The following DOCK7 variants were observed in gnomAD, a reference collection of about 807,000 sequenced individuals.
The protein encoded by DOCK7 is dedicator of cytokinesis protein 7.
In DOCK7, 138 loss-of-function variants were observed where a neutral mutation model predicts 271.0. The ratio of observed to expected loss-of-function variants is 0.51; its 90% CI spans 0.44 to 0.59. The LOEUF (loss-of-function observed/expected upper bound fraction) is 0.59, where lower values mean the gene tolerates loss of function less well. DOCK7 is among the 20% of genes least tolerant of loss of function. The pLI is 0.00. For synonymous variants in DOCK7, 823 were observed against 876.1 expected (o/e 0.94, Z 1.07); for missense variants, 2,066 against 2,592.4 (o/e 0.80, Z 4.41).
chr1:62,671,509 G>C (rs1186031770), intron 1 of DOCK7, among the ~76,000 whole-genome samples: 1 of 152,150 alleles, frequency 6.6e-6, no homozygotes, highest in Admixed American at 6.5e-5. Flanking sequence ...TAAGAATTTA[G>C]AGAGAGGAAA....
At chr1:62,538,666 CATAGT>C (rs1645427794) in intron 27 of DOCK7, among the ~76,000 whole-genome samples, 3 of 152,154 alleles carry the variant, frequency 2.0e-5, no homozygotes, top group Non-Finnish European at 2.9e-5. Context: ...AGTGCCCATG[CATAGT>C]TTTAACTTTT....
chr1:62,478,194 T>C (rs1186783084), intron 43 of DOCK7: 1 of 168,564 alleles, frequency 5.9e-6, no homozygotes, highest in African/African-American at 2.4e-5. Flanking sequence ...TTAATTGTAC[T>C]GATACTAGAG....
chr1:62,572,424 T>G (rs1352111139), intron 18 of DOCK7, among the ~76,000 whole-genome samples: 1 of 152,206 alleles, frequency 6.6e-6, no homozygotes, highest in Non-Finnish European at 1.5e-5. Context: ...TTAATTATTC[T>G]CATTTTACAG....
chr1:62,476,041 T>C, intron 45 of DOCK7, 26 bp downstream of exon 45: 13 of 1,600,110 alleles, frequency 8.1e-6, no homozygotes, highest in African/African-American at 1.3e-5. Context: ...GATGTCTATA[T>C]GTCATTATAG....
intron 24 of DOCK7, 58 bp from the exon 25 acceptor site, chr1:62,542,761 C>G: frequency 6.7e-7 from 1 of 1,484,066 alleles, no homozygotes. Flanking sequence ...TAACATAAAC[C>G]AAATCATAAT....
At chr1:62,666,028 G>C (rs1659276316) in intron 1 of DOCK7, among the ~76,000 whole-genome samples, 1 of 152,034 alleles carries the variant, frequency 6.6e-6, no homozygotes, top group Admixed American at 6.6e-5. Flanking sequence ...GCCAGGCGTG[G>C]TGGTGGGCAC....
At position 62,647,555 on chromosome 1, in the gene DOCK7, T is replaced by C. The variant is rs974457962; in HGVS notation, c.818+136A>G. 1.1e-5 allele frequency: 7 copies of C among 649,544 alleles called. 1 individual carries two copies. Among genetic ancestry groups the C allele is most frequent in the Middle Eastern group, 8.6e-4 (2 of 2,330 alleles). The allele number at this position is 649,544 out of a possible 1,614,324, so 40.2% of individuals were successfully genotyped here. A position where few individuals can be genotyped will look rare whatever the true frequency, so the allele number is the denominator to read the frequency against. ...ACATACGTTTGAATGCTGAATAGTA[T>C]TTAAAATGACATGTAGAACAATACT... is the stretch of plus-strand genomic sequence containing the variant. On this transcript the variant is annotated intron_variant, in intron 7 of 49. Transcript: ENST00000635253.
intron 1 of DOCK7, among the ~76,000 whole-genome samples, chr1:62,663,362 T>C (rs1279673659): frequency 6.6e-6 from 1 of 152,186 alleles, no homozygotes; most frequent in Non-Finnish European, 1.5e-5. Flanking sequence ...ACAACCCATA[T>C]GAGGTTTTTT....
At chr1:62,641,727 G>GCAGC (rs761936735) in intron 7 of DOCK7, 1 of 312,048 alleles carries the variant, frequency 3.2e-6, no homozygotes, top group Non-Finnish European at 6.5e-6. Flanking sequence ...CCCAACTTTG[G>GCAGC]CAGCCACCTG....
At position 62,567,074 on chromosome 1, in the gene DOCK7, C is replaced by T. The variant is rs146591438; in HGVS notation, c.2113-5371G>A. Among the ~76,000 whole-genome samples, 1,200 of 152,242 alleles carry T rather than the reference C, an allele frequency of 7.9e-3. 8 individuals are homozygous for T. The highest frequency in any genetic ancestry group is 0.02 in the Middle Eastern group (6 of 294). Reference sequence around the variant, plus strand: ...AGATGCTGGACAGGATGTGGAGAAACAGGAACACTTTTGCACTGTTGGTGG... The same window carrying T: ...AGATGCTGGACAGGATGTGGAGAAATAGGAACACTTTTGCACTGTTGGTGG... On this transcript the variant is annotated intron_variant, in intron 18 of 49. Coordinates refer to ENST00000635253, the MANE Select transcript of DOCK7 (RefSeq NM_001367561.1).
Position 62,495,593 on chromosome 1 carries a change from T to C in DOCK7, c.5012A>G (p.Asp1671Gly). The change falls in exon 39 of 50, where the codon GAT becomes GGT. Residue 1671 changes from aspartate (D) to glycine (G), a missense_variant. Physicochemically the swap from Asp to Gly is moderately conservative, Grantham distance 94. Transcript: ENST00000635253. ...AAATAAATGCTACCTGTACATTAGA[T>C]CAATCAACATTTCAGGATCCTCCTG... is the stretch of plus-strand genomic sequence containing the variant. ...EHQEDPEMLIDLMYRIAKGYQ... is the reference protein window; with the variant it reads ...EHQEDPEMLIGLMYRIAKGYQ... 6.3e-7 allele frequency: 1 copy of C among 1,585,610 alleles called. No homozygotes were observed. The highest frequency in any genetic ancestry group is 8.5e-7 in the Non-Finnish European group (1 of 1,172,440).
Position 62,492,846 on chromosome 1 carries a change from T to G in DOCK7, c.5219A>C (p.Asn1740Thr). ...TTCTTCTAAAACATTAGATGAAATA[T>G]TCTAGGGAAAAAATATATTGAAAAG... is the stretch of plus-strand genomic sequence containing the variant. ...YLPVGCVTFQ[N>T]ISSNVLEESA... Residue 1740 changes from asparagine to threonine, a missense_variant and splice_region_variant, in exon 41 of 50, where the codon AAT becomes ACT. By Grantham distance (65) the Asn-to-Thr change is moderately conservative. Around this residue, in one of 2 missense-constraint regions of DOCK7, gnomAD observed 652 missense variants for 922.1 expected, o/e 0.71. Transcript: ENST00000635253. 6.2e-7 allele frequency: 1 copy of G among 1,605,722 alleles called. No individual in the cohort carries two copies. Among genetic ancestry groups the G allele is most frequent in the Non-Finnish European group, 8.5e-7 (1 of 1,177,524 alleles).
At chr1:62,515,108 TAAG>T (rs1016227540) in intron 31 of DOCK7, among the ~76,000 whole-genome samples, 2 of 133,414 alleles carry the variant, frequency 1.5e-5, no homozygotes, top group Non-Finnish European at 3.2e-5. Flanking sequence ...CTCAAAGAAA[TAAG>T]TATTATTACT....
At position 62,583,182 on chromosome 1, in the gene DOCK7, A is replaced by G; in HGVS notation, c.1871+2T>C. The G allele has an allele frequency of 1.2e-6, 2 of 1,607,816 alleles. No individual in the cohort carries two copies. The highest frequency in any genetic ancestry group is 1.7e-6 in the Non-Finnish European group (2 of 1,174,896). ...TTTGAAAGAAATATTTGAATTCAGTACCTGTTATGATATACTACGGCTGTA... is the reference window on the plus strand; with the variant it reads ...TTTGAAAGAAATATTTGAATTCAGTGCCTGTTATGATATACTACGGCTGTA... On this transcript the variant is annotated splice_donor_variant, in intron 16 of 49. Coordinates refer to ENST00000635253, the MANE Select transcript of DOCK7 (RefSeq NM_001367561.1). LOFTEE classifies it high-confidence loss of function.
chr1:62,663,879 A>G (rs534094229), intron 1 of DOCK7, among the ~76,000 whole-genome samples: 2 of 152,300 alleles, frequency 1.3e-5, no homozygotes, highest in Non-Finnish European at 2.9e-5. Flanking sequence ...GGTACTTTAT[A>G]TATTTGTGTT....
intron 16 of DOCK7, among the ~76,000 whole-genome samples, chr1:62,579,839 G>A (rs1484997332): frequency 6.6e-6 from 1 of 151,150 alleles, no homozygotes; most frequent in Non-Finnish European, 1.5e-5. Context: ...AAAAAAACCA[G>A]TAAAATCAGG....
At chr1:62,640,059 G>A (rs1655800050) in intron 7 of DOCK7, among the ~76,000 whole-genome samples, 1 of 151,736 alleles carries the variant, frequency 6.6e-6, no homozygotes, top group African/African-American at 2.4e-5. Context: ...CTGCAAAACA[G>A]GTATTTTTTA....
chr1:62,600,542 T>C (rs967902625), intron 14 of DOCK7, among the ~76,000 whole-genome samples: 2 of 151,824 alleles, frequency 1.3e-5, no homozygotes, highest in Non-Finnish European at 3.0e-5. Flanking sequence ...AATAAAATGT[T>C]ACTGCTAAAC....
intron 27 of DOCK7, among the ~76,000 whole-genome samples, chr1:62,538,477 T>C (rs1645421881): frequency 6.6e-6 from 1 of 152,226 alleles, no homozygotes; most frequent in African/African-American, 2.4e-5. Flanking sequence ...TGAGGAGACA[T>C]ACTATAAACT....
Sources: allele counts gnomAD v4.1 joint callset (sites outside exome capture counted in the v4.1 genomes callset), GRCh38; gene constraint gnomAD v4.1.1; regional missense constraint gnomAD v4.1.1; transcripts MANE v1.5; gene names NCBI Gene and HGNC (gene_info 2026-07-23, HGNC 2026-07-21).